Variants in CTNNA2 observed in about 807,000 individuals in gnomAD.
CTNNA2 encodes catenin alpha-2.
A neutral mutation model predicts 101.0 loss-of-function variants in CTNNA2; 42 were observed. That is an observed-to-expected ratio of 0.42 (90% CI 0.32 to 0.54). CTNNA2 has a LOEUF of 0.54. Among genes scored for constraint, CTNNA2 ranks in the 20% least tolerant of loss-of-function variants. CTNNA2 has a pLI of 0.14. For missense variants in CTNNA2, 871 were observed against 1,223.1 expected (o/e 0.71, Z 4.29); for synonymous variants, 450 against 456.4 (o/e 0.99, Z 0.18).
At chr2:80,108,811 T>C (rs1428795923) in intron 7 of CTNNA2, among the ~76,000 whole-genome samples, 2 of 152,186 alleles carry the variant, frequency 1.3e-5, no homozygotes, top group Non-Finnish European at 2.9e-5. Context: ...GTGTAGCTGT[T>C]TCCTTGAAAT....
Position 80,177,668 on chromosome 2 carries a change from C to T in CTNNA2, c.1057-215543C>T, listed in dbSNP as rs1009209176. On this transcript the variant is annotated intron_variant, in intron 7 of 18. Transcript: ENST00000402739. ...CTTTCCACTTGATTATTAAAATCCT[C>T]CTCTGGCTATGGTCACCCTTTGGTG... Among the ~76,000 whole-genome samples, 3 of 152,182 alleles carry T rather than the reference C, an allele frequency of 2.0e-5. 1 individual carries two copies. The highest frequency in any genetic ancestry group is 4.4e-5 in the Non-Finnish European group (3 of 68,032).
intron 11 of CTNNA2, among the ~76,000 whole-genome samples, chr2:80,549,975 CA>C (rs1573229359): frequency 1.3e-5 from 2 of 152,148 alleles, no homozygotes; most frequent in East Asian, 1.9e-4. Flanking sequence ...ACAGGGGGTT[CA>C]AAAATCCATA....
At chr2:80,094,131 G>C (rs991093473) in intron 7 of CTNNA2, among the ~76,000 whole-genome samples, 1 of 152,082 alleles carries the variant, frequency 6.6e-6, no homozygotes, top group Non-Finnish European at 1.5e-5. Flanking sequence ...GGGTTTTTAT[G>C]GTTTTAAGTC....
At position 79,835,683 on chromosome 2, in the gene CTNNA2, T is replaced by TTTTGTTTGTTTGTTTG. The variant is rs1558565773; in HGVS notation, c.299-22327_299-22326insGTTTGTTTGTTTGTTT. ...CTCTCTTTGTTTTTTTTTTTTTTTT[T>TTTTGTTTGTTTGTTTG]TTTTTTTTTTTTTTTTTTTTGAGAC... On this transcript the variant is annotated intron_variant, in intron 3 of 18. Coordinates refer to ENST00000402739, the MANE Select transcript of CTNNA2 (RefSeq NM_001282597.3). 4.5e-3 allele frequency among the ~76,000 whole-genome samples: 589 copies of TTTTGTTTGTTTGTTTG among 129,702 alleles called. 21 individuals carry two copies. The highest frequency in any genetic ancestry group is 0.017 in the African/African-American group (562 of 32,370). The allele number at this position is 129,702 out of a possible 152,430, so 85.1% of individuals were successfully genotyped here.
intron 3 of CTNNA2, among the ~76,000 whole-genome samples, chr2:79,816,123 A>G (rs1677472182): frequency 6.6e-6 from 1 of 152,040 alleles, no homozygotes; most frequent in Non-Finnish European, 1.5e-5. Context: ...AATTTTGCTG[A>G]ATTGTTTTTA....
chr2:79,887,092 C>G (rs1185842776), intron 6 of CTNNA2, among the ~76,000 whole-genome samples: 1 of 152,144 alleles, frequency 6.6e-6, no homozygotes, highest in Admixed American at 6.5e-5. Flanking sequence ...GCTGGGATTA[C>G]AGGCGTGAGC....
intron 12 of CTNNA2, among the ~76,000 whole-genome samples, chr2:80,570,798 G>A (rs1269545577): frequency 1.3e-5 from 2 of 151,892 alleles, no homozygotes; most frequent in Non-Finnish European, 2.9e-5. Flanking sequence ...ACAACCCCAG[G>A]TCAATAACAC....
intron 1 of CTNNA2, among the ~76,000 whole-genome samples, chr2:79,623,887 C>G (rs1679143218): frequency 1.3e-5 from 2 of 152,236 alleles, no homozygotes; most frequent in South Asian, 4.2e-4. Context: ...CAGAGCTTTG[C>G]CACTGAACCA....
intron 9 of CTNNA2, among the ~76,000 whole-genome samples, chr2:80,443,950 G>A: frequency 6.6e-6 from 1 of 152,188 alleles, no homozygotes. Context: ...GCCTTGTAAA[G>A]TGGGTTAGGG....
intron 4 of CTNNA2, among the ~76,000 whole-genome samples, chr2:79,436,022 A>G (rs1315983331): frequency 6.6e-6 from 1 of 152,062 alleles, no homozygotes; most frequent in African/African-American, 2.4e-5. Context: ...GCAAAACCAC[A>G]CGGGTTCCTG....
intron 1 of CTNNA2, among the ~76,000 whole-genome samples, chr2:79,634,098 C>T (rs540176287): frequency 2.6e-5 from 4 of 152,286 alleles, no homozygotes; most frequent in South Asian, 2.1e-4. Flanking sequence ...TCAGATGAAG[C>T]AGGTGATTTA....
chr2:80,214,000 G>A (rs1217865958), intron 7 of CTNNA2, among the ~76,000 whole-genome samples: 2 of 152,170 alleles, frequency 1.3e-5, no homozygotes, highest in African/African-American at 2.4e-5. Flanking sequence ...ATCTTTGTTG[G>A]TTTAAAGTCT....
chr2:80,056,425 A>G (rs1230495938), intron 7 of CTNNA2, among the ~76,000 whole-genome samples: 3 of 152,212 alleles, frequency 2.0e-5, no homozygotes, highest in Admixed American at 2.0e-4. Flanking sequence ...GACAATGAAT[A>G]TTAGGGTGCT....
At chr2:79,524,940 C>T (rs78044509) in intron 1 of CTNNA2, among the ~76,000 whole-genome samples, 1,645 of 150,738 alleles carry the variant, frequency 0.011, 30 homozygotes, top group African/African-American at 0.038. Context: ...TTCAAAGGCA[C>T]GGGCCATGTC....
intron 1 of CTNNA2, among the ~76,000 whole-genome samples, chr2:79,592,081 C>G (rs1385857421): frequency 6.7e-6 from 1 of 150,334 alleles, no homozygotes; most frequent in Non-Finnish European, 1.5e-5. Flanking sequence ...ACTTTTCTGA[C>G]TGCTTTGAAA....
At chr2:80,573,524 TCCCTTGCTCCA>T (rs1364602631) in intron 12 of CTNNA2, among the ~76,000 whole-genome samples, 1 of 152,064 alleles carries the variant, frequency 6.6e-6, no homozygotes, top group Non-Finnish European at 1.5e-5. Flanking sequence ...TTCCCCATCT[TCCCTTGCTCCA>T]CCCTCCCCTC....
chr2:80,622,363 T>A (rs1378453816), intron 18 of CTNNA2, among the ~76,000 whole-genome samples: 2 of 151,844 alleles, frequency 1.3e-5, no homozygotes, highest in Non-Finnish European at 2.9e-5. Flanking sequence ...GTGATAAAAG[T>A]GGAAAGAGAT....
At chr2:80,111,718 G>A (rs1038211148) in intron 7 of CTNNA2, among the ~76,000 whole-genome samples, 2 of 152,090 alleles carry the variant, frequency 1.3e-5, no homozygotes, top group East Asian at 1.9e-4. Flanking sequence ...ATTGTTTTAC[G>A]TTTTGTAGAG....
intron 18 of CTNNA2, among the ~76,000 whole-genome samples, chr2:80,643,374 C>A (rs547317231): frequency 2.0e-5 from 3 of 152,088 alleles, no homozygotes; most frequent in African/African-American, 7.2e-5. Context: ...CAAGCCTTGT[C>A]TCAGGGCTGG....
Sources: gnomAD v4.1 joint callset for allele counts (sites outside exome capture counted in the v4.1 genomes callset) on GRCh38, gnomAD v4.1.1 for gene constraint, MANE v1.5 for transcripts, NCBI Gene and HGNC (gene_info 2026-07-23, HGNC 2026-07-21) for gene names.